Variants in EXOC4 observed in about 807,000 individuals in gnomAD.
EXOC4 encodes the protein exocyst complex component 4.
Under a neutral mutation model 107.2 loss-of-function variants are expected in EXOC4, and 71 were observed. That is an observed-to-expected ratio of 0.66 (90% CI 0.55 to 0.81). The LOEUF is 0.81. Ranked by LOEUF, EXOC4 falls within the 30% of genes least tolerant of loss-of-function variation. The pLI, the probability that EXOC4 is intolerant of heterozygous loss-of-function variation, is 0.00. For synonymous variants in EXOC4, 456 were observed against 441.2 expected, an observed-to-expected ratio of 1.03 and a Z score of -0.42; for missense variants, 1,108 against 1,189.6, an observed-to-expected ratio of 0.93 and a Z score of 1.01.
chr7:133,475,531 C>A, intron 8 of EXOC4, 58 bp downstream of exon 8: 2 of 1,475,260 alleles, frequency 1.4e-6, no homozygotes, highest in Non-Finnish European at 1.9e-6. Context: ...AGTAAGATGA[C>A]TTCCTACTTT....
intron 10 of EXOC4, among the ~76,000 whole-genome samples, chr7:133,765,021 T>C (rs1031390962): frequency 6.6e-6 from 1 of 152,072 alleles, no homozygotes; most frequent in Non-Finnish European, 1.5e-5. Context: ...GACCATCAGC[T>C]AAGTTAAAAT....
At chr7:133,326,596 T>G (rs919207167) in intron 5 of EXOC4, among the ~76,000 whole-genome samples, 1 of 152,160 alleles carries the variant, frequency 6.6e-6, no homozygotes, top group Non-Finnish European at 1.5e-5. Context: ...CAGCCGGCTG[T>G]GTGAGGTGTC....
At chr7:133,982,236 C>T (rs1260168211) in intron 14 of EXOC4, among the ~76,000 whole-genome samples, 2 of 152,166 alleles carry the variant, frequency 1.3e-5, no homozygotes, top group Non-Finnish European at 2.9e-5. Context: ...AGGTACCCCT[C>T]AGCCTAAAAT....
intron 10 of EXOC4, among the ~76,000 whole-genome samples, chr7:133,708,066 A>G (rs1389995889): frequency 4.6e-5 from 7 of 152,330 alleles, no homozygotes; most frequent in African/African-American, 1.7e-4. Context: ...TCTTCAAGAT[A>G]GAATCTAATA....
chr7:133,638,516 T>C (rs1585047187), intron 10 of EXOC4, among the ~76,000 whole-genome samples: 2 of 152,184 alleles, frequency 1.3e-5, no homozygotes, highest in East Asian at 3.8e-4. Flanking sequence ...TCTGTGTCGC[T>C]TCAGCATTGA....
intron 7 of EXOC4, among the ~76,000 whole-genome samples, chr7:133,458,487 A>G (rs918606612): frequency 1.1e-4 from 16 of 152,190 alleles, no homozygotes; most frequent in Non-Finnish European, 2.4e-4. Context: ...TGGAGGAAGC[A>G]CCTTGTGTTT....
chr7:133,652,082 C>A (rs764869889), intron 10 of EXOC4, among the ~76,000 whole-genome samples: 1 of 152,128 alleles, frequency 6.6e-6, no homozygotes, highest in East Asian at 1.9e-4. Flanking sequence ...CCAAGTAATT[C>A]GGCTGTGATG....
intron 14 of EXOC4, among the ~76,000 whole-genome samples, chr7:133,971,367 G>T (rs371352476): frequency 0.12 from 8,449 of 68,670 alleles, 261 homozygotes; most frequent in East Asian, 0.19. Flanking sequence ...TATATAGAGA[G>T]AGAGAGAGAG....
intron 9 of EXOC4, among the ~76,000 whole-genome samples, chr7:133,484,940 C>T (rs1274976461): frequency 8.6e-5 from 13 of 151,318 alleles, no homozygotes; most frequent in Non-Finnish European, 1.5e-5. Flanking sequence ...ATTAGCCTGG[C>T]GTGGTGGCGG....
chr7:134,037,505 C>T (rs1393799947), intron 17 of EXOC4, among the ~76,000 whole-genome samples: 2 of 152,276 alleles, frequency 1.3e-5, no homozygotes, highest in African/African-American at 2.4e-5. Flanking sequence ...TATCTGAATT[C>T]GTTTCGGCAT....
intron 7 of EXOC4, among the ~76,000 whole-genome samples, chr7:133,474,379 G>C (rs1798957803): frequency 6.6e-6 from 1 of 151,982 alleles, no homozygotes; most frequent in African/African-American, 2.4e-5. Flanking sequence ...GCAGTGGCAT[G>C]ATCTCGGCTC....
chr7:133,604,710 CTTTTTTTTTTTTTTTT>C (rs61548710), intron 9 of EXOC4, among the ~76,000 whole-genome samples: 6 of 50,260 alleles, frequency 1.2e-4, no homozygotes, highest in South Asian at 1.2e-3. Context: ...TTCCTTCTTT[CTTTTTTTTTTTTTTTT>C]TTTTTTTTTT....
At chr7:133,937,185 C>T (rs1043770107) in intron 13 of EXOC4, among the ~76,000 whole-genome samples, 1 of 152,118 alleles carries the variant, frequency 6.6e-6, no homozygotes, top group Non-Finnish European at 1.5e-5. Context: ...TTTTCAACCC[C>T]GCCCTGCCCC....
In EXOC4 at chr7:133,896,061, A is replaced by G. The variant is rs1023323112; in HGVS notation, c.1871+326A>G. Among the ~76,000 whole-genome samples, 3 of 152,192 alleles carry G rather than the reference A, an allele frequency of 2.0e-5. No homozygotes were observed. The East Asian group carries it at 5.8e-4, about 29-fold the overall frequency. The stretch of plus-strand genomic sequence containing the variant: ...TCTTGGTTAGTCTATCTTGTGGTTA[A>G]AAAGATCCTTAAAGTAGAGCAATTT... On this transcript the variant is annotated intron_variant, in intron 12 of 17. Coordinates refer to ENST00000253861, the MANE Select transcript of EXOC4 (RefSeq NM_021807.4).
At position 133,977,967 on chromosome 7, in the gene EXOC4, G is replaced by T. The variant is rs189343569; in HGVS notation, c.2207-19525G>T. Among the ~76,000 whole-genome samples, 34 of 152,254 alleles carry T rather than the reference G, an allele frequency of 2.2e-4. No individual in the cohort carries two copies. The East Asian group carries it at 6.4e-3, about 28-fold the overall frequency. ...TACATGTTTTAAGTTTGACCAAAAGGTTTCTTTGTACATAGTGAACTGTAA... is the reference window on the plus strand; with the variant it reads ...TACATGTTTTAAGTTTGACCAAAAGTTTTCTTTGTACATAGTGAACTGTAA... On this transcript the variant is annotated intron_variant, in intron 14 of 17. Coordinates refer to ENST00000253861, the MANE Select transcript of EXOC4 (RefSeq NM_021807.4).
intron 9 of EXOC4, among the ~76,000 whole-genome samples, chr7:133,624,926 G>A (rs1449068836): frequency 1.3e-5 from 2 of 151,578 alleles, no homozygotes; most frequent in African/African-American, 4.8e-5. Flanking sequence ...AAAAGAGTAG[G>A]GGGAATGATG....
At chr7:133,627,816 G>C (rs1363540921) in intron 9 of EXOC4, among the ~76,000 whole-genome samples, 2 of 152,140 alleles carry the variant, frequency 1.3e-5, no homozygotes, top group Non-Finnish European at 2.9e-5. Context: ...TTTAATTAAG[G>C]GTTGAGTATG....
At chr7:133,566,125 C>CT (rs1800901830) in intron 9 of EXOC4, among the ~76,000 whole-genome samples, 1 of 152,172 alleles carries the variant, frequency 6.6e-6, no homozygotes, top group East Asian at 1.9e-4. Context: ...TAGATTCTGT[C>CT]TTTTTGTCAT....
rs77065877 is a variant in EXOC4, at chr7:133,636,542, T to G, written c.1514+6401T>G. 1.1e-4 allele frequency among the ~76,000 whole-genome samples: 16 copies of G among 152,350 alleles called. No homozygotes were observed. In the East Asian group the frequency reaches 3.1e-3, roughly 29 times the overall value. The stretch of plus-strand genomic sequence containing the variant: ...AACACTTGGCATGCATGAAGTAATA[T>G]GTTTCTTACAGGAGAACCAAAGAAC... On this transcript the variant is annotated intron_variant, in intron 10 of 17. Transcript: ENST00000253861.
Sources: gnomAD v4.1 joint callset for allele counts (sites outside exome capture counted in the v4.1 genomes callset) on GRCh38, gnomAD v4.1.1 for gene constraint, MANE v1.5 for transcripts, NCBI Gene and HGNC (gene_info 2026-07-23, HGNC 2026-07-21) for gene names.